PTPRZ1: variants seen among roughly 807,000 people sequenced by gnomAD.
PTPRZ1 encodes protein tyrosine phosphatase receptor type Z1.
Under a neutral mutation model 214.1 loss-of-function variants are expected in PTPRZ1, and 82 were observed. The ratio of observed to expected loss-of-function variants is 0.38; its 90% confidence interval spans 0.32 to 0.46. The LOEUF is 0.46. Among genes scored for constraint, PTPRZ1 ranks in the 20% least tolerant of loss-of-function variants. PTPRZ1 has a pLI of 1.00. For synonymous variants in PTPRZ1, 945 were observed against 987.9 expected, an observed-to-expected ratio of 0.96 and a Z score of 0.81; for missense variants, 2,603 against 2,748.7, an observed-to-expected ratio of 0.95 and a Z score of 1.19.
chr7:122,044,335 G>T (rs1799817259), intron 22 of PTPRZ1, 87 bp from the exon 23 acceptor site: 2 of 1,484,364 alleles, frequency 1.3e-6, no homozygotes, highest in South Asian at 2.5e-5. Flanking sequence ...AACTCTCCTT[G>T]TCTGTCAATG....
chr7:121,889,240 T>A (rs1794503259), intron 1 of PTPRZ1, among the ~76,000 whole-genome samples: 1 of 152,150 alleles, frequency 6.6e-6, no homozygotes, highest in Non-Finnish European at 1.5e-5. Flanking sequence ...AAACTATGTA[T>A]GGTCTTTGTA....
chr7:121,961,789 A>T (rs1796888281), intron 2 of PTPRZ1, among the ~76,000 whole-genome samples: 1 of 152,242 alleles, frequency 6.6e-6, no homozygotes, highest in African/African-American at 2.4e-5. Flanking sequence ...GACAAAATAC[A>T]GTATGTTAAG....
chr7:122,060,031 C>T, intron 29 of PTPRZ1, 143 bp downstream of exon 29: 1 of 813,806 alleles, frequency 1.2e-6, no homozygotes, highest in East Asian at 2.8e-5. Context: ...TACAAGTCCA[C>T]AATCCATAGA....
chr7:122,026,177 A>G (rs748378814), intron 13 of PTPRZ1, among the ~76,000 whole-genome samples: 4 of 152,142 alleles, frequency 2.6e-5, no homozygotes, highest in South Asian at 2.1e-4. Context: ...GGAAATAAGG[A>G]GGATTCAAAA....
rs1367275133 is a variant in PTPRZ1 at position 122,040,425 on chromosome 7, T to TATCCTA, written c.5638-391_5638-390insATCCTA. On this transcript the variant is annotated intron_variant, in intron 20 of 29. Transcript: ENST00000393386. Reference sequence around the variant, plus strand: ...CACTGTTGAGAAGAATTCTTTATTCTTCAGGTAACCTATCCTATCAGTCTT... The same window carrying TATCCTA: ...CACTGTTGAGAAGAATTCTTTATTCTATCCTATCAGGTAACCTATCCTATCAGTCTT... Among the ~76,000 whole-genome samples, 22 of 152,332 alleles carry TATCCTA rather than the reference T, an allele frequency of 1.4e-4. No homozygotes were observed. The East Asian group carries it at 3.9e-3, about 27-fold the overall frequency.
rs773673746 is a variant in PTPRZ1 at position 122,013,364 on chromosome 7, C to T, written c.4318C>T (p.His1440Tyr). ...CAGAGGTAGTGATGGCTTATCCATTCATAAGTGTATGTCATGCTCATCCTA... is the reference window on the plus strand; with the variant it reads ...CAGAGGTAGTGATGGCTTATCCATTTATAAGTGTATGTCATGCTCATCCTA... ...DDRGSDGLSI[H>Y]KCMSCSSYRE... The change falls in exon 12 of 30, where the codon CAT becomes TAT. Residue 1440 changes from histidine (H) to tyrosine (Y), a missense_variant. Transcript: ENST00000393386. 3 of 1,614,074 alleles carry T rather than the reference C, an allele frequency of 1.9e-6. No individual in the cohort carries two copies. The highest frequency in any genetic ancestry group is 4.5e-5 in the East Asian group (2 of 44,876).
At chr7:121,944,951 T>A (rs1365015478) in intron 2 of PTPRZ1, among the ~76,000 whole-genome samples, 4 of 152,180 alleles carry the variant, frequency 2.6e-5, no homozygotes, top group African/African-American at 7.2e-5. Flanking sequence ...CCAGATTACA[T>A]TTTTTGTCAT....
At chr7:122,014,214 CT>C (rs1798777791) in intron 12 of PTPRZ1, among the ~76,000 whole-genome samples, 1 of 152,018 alleles carries the variant, frequency 6.6e-6, no homozygotes, top group Admixed American at 6.6e-5. Flanking sequence ...TAGTACACTG[CT>C]TTTAAAGCAA....
At chr7:121,913,053 T>C (rs1037699427) in intron 1 of PTPRZ1, among the ~76,000 whole-genome samples, 2 of 152,162 alleles carry the variant, frequency 1.3e-5, no homozygotes, top group Non-Finnish European at 2.9e-5. Flanking sequence ...TAGGCACATT[T>C]TGAATTCTTA....
At position 121,957,151 on chromosome 7, in the gene PTPRZ1, T is replaced by G. The variant is rs186960868; in HGVS notation, c.125-10800T>G. Among the ~76,000 whole-genome samples, 46 of 152,276 alleles carry G rather than the reference T, an allele frequency of 3.0e-4. 1 individual carries two copies. Among genetic ancestry groups the G allele is most frequent in the African/African-American group, 9.1e-4 (38 of 41,572 alleles). On this transcript the variant is annotated intron_variant, in intron 2 of 29. Transcript: ENST00000393386. ...CTCCTTGCCAGTATCATCTTTTCCC[T>G]TTTTCCCTCTGGGTACCTTCTGTCC...
rs550176919 is a variant in PTPRZ1, at chr7:121,929,693, A to G, written c.124+1472A>G. Among the ~76,000 whole-genome samples the G allele has an allele frequency of 1.1e-4, 17 of 151,946 alleles. No homozygotes were observed. The East Asian group carries it at 1.9e-3, about 17-fold the overall frequency. ...CATGTTGGCGCATGCTTCTAATCCC[A>G]GCTACTTAGGAGGCTGAGGCAGGAG... is the stretch of plus-strand genomic sequence containing the variant. On this transcript the variant is annotated intron_variant, in intron 2 of 29. Coordinates refer to ENST00000393386, the MANE Select transcript of PTPRZ1 (RefSeq NM_002851.3).
chr7:122,019,167 G>A lies in PTPRZ1; in HGVS notation c.4887G>A (p.Glu1629=). Residue 1629 remains glutamate, a synonymous_variant, in exon 13 of 30, where the codon GAG becomes GAA. Transcript: ENST00000393386. ...ATGAGTCTCGTATTGGTCTAGCTGA[G>A]GGGTTGGAATCCGAGAAGAAGGCAG... The part of the protein sequence containing the change: ...SSHESRIGLA[E]GLESEKKAVI... 6.2e-7 allele frequency: 1 copy of A among 1,612,386 alleles called. No individual in the cohort carries two copies. The highest frequency in any genetic ancestry group is 1.1e-5 in the South Asian group (1 of 91,024).
In PTPRZ1 at chr7:122,042,647, C is replaced by T; in HGVS notation, c.5841C>T (p.Asp1947=). Residue 1947 remains aspartate, a synonymous_variant, in exon 22 of 30, where the codon GAC becomes GAT. Transcript: ENST00000393386. ...VGRTGTYIVL[D]SMLQQIQHEG... Reference sequence around the variant, plus strand: ...GAACAGGCACATATATTGTGCTAGACAGTATGTTGCAGCAGATTCAACACG... The same window carrying T: ...GAACAGGCACATATATTGTGCTAGATAGTATGTTGCAGCAGATTCAACACG... The T allele has an allele frequency of 6.2e-7, 1 of 1,613,814 alleles. No individual in the cohort carries two copies.
At chr7:122,028,515 G>T in intron 13 of PTPRZ1, 37 bp from the exon 14 acceptor site, 1 of 1,411,296 alleles carries the variant, frequency 7.1e-7, no homozygotes. Context: ...ATTTTCCATA[G>T]CAACTAGTAG....
intron 6 of PTPRZ1, among the ~76,000 whole-genome samples, chr7:121,978,910 C>T (rs1008865545): frequency 3.9e-5 from 6 of 152,050 alleles, no homozygotes; most frequent in Admixed American, 2.6e-4. Context: ...TAGAAAATCC[C>T]CTACTGCCCA....
At chr7:121,873,712 C>T (rs968236120) in intron 1 of PTPRZ1, among the ~76,000 whole-genome samples, 155 bp downstream of exon 1, 6 of 152,036 alleles carry the variant, frequency 3.9e-5, no homozygotes, top group African/African-American at 1.4e-4. Context: ...GGCGGCCGCG[C>T]GGTGCAGGCA....
intron 13 of PTPRZ1, among the ~76,000 whole-genome samples, chr7:122,020,265 A>G (rs918888991): frequency 6.6e-6 from 1 of 152,218 alleles, no homozygotes; most frequent in Non-Finnish European, 1.5e-5. Context: ...CAAATGAATG[A>G]AAAAAGAGTC....
chr7:121,994,173 A>G (rs957136753), intron 8 of PTPRZ1, among the ~76,000 whole-genome samples: 1 of 151,910 alleles, frequency 6.6e-6, no homozygotes, highest in African/African-American at 2.4e-5. Flanking sequence ...TAGACATCCA[A>G]CCAAAGTCGT....
intron 2 of PTPRZ1, among the ~76,000 whole-genome samples, chr7:121,966,530 C>A (rs1256258699): frequency 1.3e-5 from 2 of 152,100 alleles, no homozygotes; most frequent in Non-Finnish European, 2.9e-5. Context: ...TTCCTAGAAT[C>A]CAAAATACAC....
Sources: allele counts gnomAD v4.1 joint callset (sites outside exome capture counted in the v4.1 genomes callset), GRCh38; gene constraint gnomAD v4.1.1; transcripts MANE v1.5; gene names NCBI Gene and HGNC (gene_info 2026-07-23, HGNC 2026-07-21).